Variants in DUSP15 observed in about 807,000 individuals in gnomAD.
DUSP15 encodes the protein dual specificity protein phosphatase 15.
Under a neutral mutation model 26.3 loss-of-function variants are expected in DUSP15, and 23 were observed. The observed-to-expected ratio is 0.87, with a 90% CI of 0.63 to 1.24. The LOEUF is 1.24. DUSP15 is among the 50% of genes most tolerant of loss of function. The pLI, the probability that DUSP15 is intolerant of heterozygous loss-of-function variation, is 0.00. For synonymous variants in DUSP15, 143 were observed against 135.5 expected (o/e 1.06, Z -0.39); for missense variants, 364 against 320.6 (o/e 1.14, Z -1.03).
intron 7 of DUSP15, chr20:31,849,948 C>A: frequency 2.1e-6 from 3 of 1,409,370 alleles, no homozygotes; most frequent in Non-Finnish European, 2.8e-6. Flanking sequence ...CCCTCCCCTT[C>A]AAACTCTGCC....
intron 7 of DUSP15, chr20:31,850,000 G>T: frequency 8.4e-7 from 1 of 1,183,498 alleles, no homozygotes; most frequent in South Asian, 1.7e-5. Context: ...GAAATTTTGG[G>T]TGCTCTCTCC....
At chr20:31,849,502 C>T in intron 8 of DUSP15, 1 of 755,388 alleles carries the variant, frequency 1.3e-6, no homozygotes, top group South Asian at 1.4e-5. Flanking sequence ...GCCCCCGTTC[C>T]CACGCCACTC....
At chr20:31,848,672 C>T in intron 9 of DUSP15, 1 of 1,456,142 alleles carries the variant, frequency 6.9e-7, no homozygotes, top group Non-Finnish European at 9.1e-7. Context: ...CCCCCATTTT[C>T]CAGGTAGGGT....
intron 6 of DUSP15, among the ~76,000 whole-genome samples, chr20:31,853,803 G>A (rs980972014): frequency 3.9e-5 from 6 of 152,022 alleles, no homozygotes; most frequent in African/African-American, 1.4e-4. Flanking sequence ...GTGTCACTAT[G>A]TTGCCCAGGT....
intron 5 of DUSP15, among the ~76,000 whole-genome samples, chr20:31,863,109 A>G (rs909427753): frequency 1.3e-5 from 2 of 151,880 alleles, no homozygotes; most frequent in South Asian, 2.1e-4. Context: ...CAGATAATCA[A>G]TTCCAGGTGG....
At chr20:31,848,035 T>G in exon 10 of DUSP15, 2 of 187,494 alleles carry the variant, frequency 1.1e-5, no homozygotes, top group Admixed American at 6.3e-5. Context: ...ACCCTGATGA[T>G]CTAATTATTG....
chr20:31,861,594 T>TGCACAGCGGCAGCAGCGCGC lies in DUSP15; in HGVS notation c.497_516dup (p.Lys173AlafsTer109), dbSNP rs1410310913. 6.7e-7 allele frequency: 1 copy of TGCACAGCGGCAGCAGCGCGC among 1,492,732 alleles called. No individual in the cohort carries two copies. The highest frequency in any genetic ancestry group is 2.8e-5 in the East Asian group (1 of 35,334). 92.5% of individuals were successfully genotyped at this position (1,492,732 alleles called of 1,614,324 possible). Reference sequence around the variant, plus strand: ...GTCGCGGAGCCCTGCCGGCAGCGCTTGCACAGCGGCAGCAGCGCGCGCAAC... The same window carrying TGCACAGCGGCAGCAGCGCGC: ...GTCGCGGAGCCCTGCCGGCAGCGCTTGCACAGCGGCAGCAGCGCGCGCACAGCGGCAGCAGCGCGCGCAAC... On this transcript the variant is annotated frameshift_variant, in exon 7 of 7. Coordinates refer to ENST00000339738, the MANE Select transcript of DUSP15 (RefSeq NM_080611.5). LOFTEE classifies it high-confidence loss of function.
exon 8 of DUSP15, chr20:31,849,857 A>G (rs996577476): frequency 6.6e-7 from 1 of 1,509,008 alleles, no homozygotes; most frequent in Non-Finnish European, 8.8e-7. Flanking sequence ...GAGAAGAGCC[A>G]CACGTGCAGC....
At chr20:31,861,732 C>T in intron 6 of DUSP15, 57 bp from the exon 7 acceptor site, 1 of 1,314,340 alleles carries the variant, frequency 7.6e-7, no homozygotes, top group Non-Finnish European at 9.8e-7. Context: ...GGGGTCAAGG[C>T]AGCCGGCCCC....
Sources: gnomAD v4.1 joint callset for allele counts (sites outside exome capture counted in the v4.1 genomes callset) on GRCh38, gnomAD v4.1.1 for gene constraint, MANE v1.5 for transcripts, NCBI Gene and HGNC (gene_info 2026-07-23, HGNC 2026-07-21) for gene names.